The following RERGL variants were observed in gnomAD, a reference collection of about 807,000 sequenced individuals.
RERGL encodes RERG like.
RERGL carries 22 observed loss-of-function variants against 24.7 expected under a neutral mutation model. The ratio of observed to expected loss-of-function variants is 0.89; its 90% CI spans 0.64 to 1.27. The LOEUF is 1.27. RERGL is among the 50% of genes most tolerant of loss of function. The probability of loss-of-function intolerance (pLI) is 0.00; values close to 1 mark genes in which losing one functional copy is unlikely to be tolerated. For missense variants in RERGL, 259 were observed against 235.3 expected (o/e 1.10, Z -0.66); for synonymous variants, 76 against 82.6 (o/e 0.92, Z 0.43).
chr12:18,089,479 G>A (rs1428423791), intron 1 of RERGL: 2 of 773,642 alleles, frequency 2.6e-6, no homozygotes, highest in Non-Finnish European at 3.6e-6. Flanking sequence ...TGATTCTTTA[G>A]GCTCAAGTGA....
At chr12:18,086,024 A>ATTTTTTTT (rs577015041) in intron 2 of RERGL, among the ~76,000 whole-genome samples, 34 of 125,070 alleles carry the variant, frequency 2.7e-4, no homozygotes, top group African/African-American at 6.0e-4. Context: ...CGCCTGGCCA[A>ATTTTTTTT]TTTTTTTTTT....
chr12:18,088,620 C>T (rs975759361), intron 2 of RERGL, among the ~76,000 whole-genome samples: 9 of 152,018 alleles, frequency 5.9e-5, no homozygotes, highest in Non-Finnish European at 1.3e-4. Flanking sequence ...GTTACATCTT[C>T]TACAATATTT....
intron 3 of RERGL, 104 bp downstream of exon 3, chr12:18,085,516 A>C (rs1947210673): frequency 1.3e-6 from 1 of 754,350 alleles, no homozygotes; most frequent in Admixed American, 3.1e-5. Context: ...TTAACACCGC[A>C]ACTTTTCACT....
chr12:18,083,096 A>G (rs1277372067), intron 4 of RERGL, among the ~76,000 whole-genome samples: 3 of 152,078 alleles, frequency 2.0e-5, no homozygotes, highest in Admixed American at 6.5e-5. Context: ...ACTTTTAAAA[A>G]TGTTGCTAAG....
chr12:18,084,806 C>T (rs1002899572), intron 3 of RERGL, 141 bp from the exon 4 acceptor site: 2 of 567,448 alleles, frequency 3.5e-6, no homozygotes, highest in Non-Finnish European at 5.7e-6. Flanking sequence ...AAATATAGTT[C>T]TGTTTCTCTC....
chr12:18,086,150 G>A (rs943988015), intron 2 of RERGL, among the ~76,000 whole-genome samples: 3 of 149,710 alleles, frequency 2.0e-5, no homozygotes, highest in Admixed American at 6.7e-5. Flanking sequence ...TGGGACTACA[G>A]GCGTGAGCCA....
intron 4 of RERGL, 102 bp from the exon 5 acceptor site, chr12:18,081,575 A>C: frequency 8.8e-7 from 1 of 1,138,190 alleles, no homozygotes; most frequent in Non-Finnish European, 1.2e-6. Context: ...ATAAATCAAA[A>C]AAGAAAAAAT....
Position 18,090,112 on chromosome 12 carries a change from C to CCCA in RERGL, c.26_28dup (p.Leu9_Gly10insVal). ...ACCAGATTTGCCTGTTCCTTCACCA[C>CCCA]CCAAGACAGCAAGCTTCACATCATT... On this transcript the variant is annotated inframe_insertion, in exon 1 of 5. Coordinates refer to ENST00000538724, the MANE Select transcript of RERGL (RefSeq NM_001286201.2). 2 of 1,533,424 alleles carry CCCA rather than the reference C, an allele frequency of 1.3e-6. No homozygotes were observed. Among genetic ancestry groups the CCCA allele is most frequent in the South Asian group, 2.4e-5 (2 of 83,726 alleles). The allele number at this position is 1,533,424 out of a possible 1,614,324, so 95.0% of individuals were successfully genotyped here.
At chr12:18,082,001 G>A (rs940921236) in intron 4 of RERGL, among the ~76,000 whole-genome samples, 2 of 152,072 alleles carry the variant, frequency 1.3e-5, no homozygotes, top group East Asian at 3.9e-4. Context: ...TTAGCCTGGC[G>A]TGGTTGCACG....
At chr12:18,085,839 G>C in intron 2 of RERGL, 146 bp from the exon 3 acceptor site, 1 of 406,054 alleles carries the variant, frequency 2.5e-6, no homozygotes, top group Non-Finnish European at 4.4e-6. Context: ...TATTTACTCA[G>C]ATATGTTTCT....
At chr12:18,081,697 T>G (rs1947175136) in intron 4 of RERGL, among the ~76,000 whole-genome samples, 1 of 152,178 alleles carries the variant, frequency 6.6e-6, no homozygotes. Context: ...ACAAGTCTCT[T>G]AAAGCACAGG....
intron 4 of RERGL, among the ~76,000 whole-genome samples, chr12:18,083,357 C>G (rs969529323): frequency 6.6e-6 from 1 of 151,968 alleles, no homozygotes; most frequent in African/African-American, 2.4e-5. Context: ...TTTAAGTGTT[C>G]TTGAGTGATT....
rs780026878 is a variant in RERGL, at chr12:18,085,622, G to A, written c.181C>T (p.Gln61Ter). The change falls in exon 3 of 5, where the codon CAA becomes TAA. Residue 61 changes from glutamine (Q) to a stop codon, truncating the protein, a stop_gained and splice_region_variant. Transcript: ENST00000538724. LOFTEE classifies it high-confidence loss of function. ...LNLEIYDPCS[Q>*]TQKAKFSLTS... ...AAAAGGTGTTTTGTTTTACTTACTT[G>A]AGAACAAGGGTCATATATTTCTAGA... 6.4e-6 allele frequency: 10 copies of A among 1,555,632 alleles called. No individual in the cohort carries two copies. The highest frequency in any genetic ancestry group is 8.8e-6 in the Non-Finnish European group (10 of 1,137,646).
At chr12:18,087,828 T>C (rs1731329084) in intron 2 of RERGL, among the ~76,000 whole-genome samples, 1 of 152,204 alleles carries the variant, frequency 6.6e-6, no homozygotes. Context: ...TTTTGACTGA[T>C]GTCGTTGCCT....
intron 4 of RERGL, 48 bp from the exon 5 acceptor site, chr12:18,081,521 T>C: frequency 3.8e-6 from 5 of 1,322,690 alleles, no homozygotes; most frequent in Non-Finnish European, 5.0e-6. Flanking sequence ...TAACAACTCT[T>C]TTTTTTAAAA....
chr12:18,088,267 CA>C (rs1947238537), intron 2 of RERGL, among the ~76,000 whole-genome samples: 1 of 151,980 alleles, frequency 6.6e-6, no homozygotes, highest in Middle Eastern at 3.2e-3. Context: ...AAAATATGCT[CA>C]AAATTATGGC....
intron 2 of RERGL, among the ~76,000 whole-genome samples, 169 bp downstream of exon 2, chr12:18,088,731 T>C (rs1947242336): frequency 6.6e-6 from 1 of 152,126 alleles, no homozygotes; most frequent in Non-Finnish European, 1.5e-5. Flanking sequence ...TAAAAGAACA[T>C]TTAATTCAAG....
intron 2 of RERGL, 126 bp from the exon 3 acceptor site, chr12:18,085,819 G>T: frequency 2.6e-5 from 11 of 426,666 alleles, no homozygotes; most frequent in South Asian, 6.2e-5. Flanking sequence ...CTGAAAGCAT[G>T]TATTTGTTGT....
chr12:18,089,313 G>A (rs186615168), intron 1 of RERGL: 28 of 1,580,108 alleles, frequency 1.8e-5, no homozygotes, highest in Middle Eastern at 1.9e-4. Context: ...AACTCAGTCT[G>A]GCTTCAAGGT....
Sources: gnomAD v4.1 joint callset for allele counts (sites outside exome capture counted in the v4.1 genomes callset) on GRCh38, gnomAD v4.1.1 for gene constraint, MANE v1.5 for transcripts, NCBI Gene and HGNC (gene_info 2026-07-23, HGNC 2026-07-21) for gene names.